Variants in ADARB2 observed in about 807,000 individuals in gnomAD.
ADARB2 encodes inactive double-stranded RNA-specific editase B2.
Under a neutral mutation model 62.2 loss-of-function variants are expected in ADARB2, and 25 were observed. The ratio of observed to expected loss-of-function variants is 0.40; its 90% CI spans 0.29 to 0.56. The LOEUF is 0.56. Ranked by LOEUF, ADARB2 falls within the 20% of genes least tolerant of loss-of-function variation. The pLI is 0.43. For missense variants in ADARB2, 1,071 were observed against 1,077.4 expected (o/e 0.99, Z 0.08); for synonymous variants, 572 against 500.8 (o/e 1.14, Z -1.90).
At position 1,373,475 on chromosome 10, in the gene ADARB2, G is replaced by C. The variant is rs58703389; in HGVS notation, c.187+5599C>G. Among the ~76,000 whole-genome samples, 822 of 152,332 alleles carry C rather than the reference G, an allele frequency of 5.4e-3. 3 individuals carry two copies. The highest frequency in any genetic ancestry group is 0.018 in the African/African-American group (743 of 41,578). On this transcript the variant is annotated intron_variant, in intron 2 of 9. Transcript: ENST00000381312. ...TGTAACATAACCAGTGCGTGTACGA[G>C]TGTGTGCCCGAGCATGTGCCTGTGT...
intron 1 of ADARB2, among the ~76,000 whole-genome samples, chr10:1,682,976 C>T (rs1211064018): frequency 6.6e-6 from 1 of 152,144 alleles, no homozygotes; most frequent in Admixed American, 6.5e-5. Context: ...CACAGCACCG[C>T]GGAGGTGGGC....
At chr10:1,220,054 G>T (rs111164674) in intron 6 of ADARB2, among the ~76,000 whole-genome samples, 1 of 138,216 alleles carries the variant, frequency 7.2e-6, no homozygotes, top group Non-Finnish European at 1.6e-5. Context: ...GGTGATGGTG[G>T]TGGTGGTGAT....
intron 3 of ADARB2, among the ~76,000 whole-genome samples, chr10:1,322,592 A>G (rs1173555520): frequency 1.3e-5 from 2 of 152,202 alleles, no homozygotes; most frequent in Non-Finnish European, 2.9e-5. Context: ...AGGGAATTTA[A>G]GCCATTTGGT....
At chr10:1,705,297 G>A (rs1437072365) in intron 1 of ADARB2, among the ~76,000 whole-genome samples, 3 of 152,178 alleles carry the variant, frequency 2.0e-5, no homozygotes, top group Non-Finnish European at 4.4e-5. Flanking sequence ...CCCACTCTAT[G>A]CCGGTTTTGT....
In ADARB2 at chr10:1,712,818, T is replaced by C. The variant is rs372693183; in HGVS notation, c.100+24233A>G. On this transcript the variant is annotated intron_variant, in intron 1 of 9. Transcript: ENST00000381312. Reference sequence around the variant, plus strand: ...TAGAGACAGGGTTTCACCGTGTTAGTCAGGATGGTCTTAATCTCCTGACCT... The same window carrying C: ...TAGAGACAGGGTTTCACCGTGTTAGCCAGGATGGTCTTAATCTCCTGACCT... 8.5e-3 allele frequency among the ~76,000 whole-genome samples: 1,290 copies of C among 151,946 alleles called. 20 individuals carry two copies. Among genetic ancestry groups the C allele is most frequent in the African/African-American group, 0.029 (1,216 of 41,426 alleles).
intron 1 of ADARB2, among the ~76,000 whole-genome samples, chr10:1,522,428 C>A (rs1161583558): frequency 1.3e-5 from 2 of 152,180 alleles, no homozygotes; most frequent in Non-Finnish European, 2.9e-5. Context: ...GGCAGTAAAA[C>A]AAAGGGTGGC....
At chr10:1,420,137 TA>T (rs1458379465) in intron 1 of ADARB2, among the ~76,000 whole-genome samples, 13 of 152,212 alleles carry the variant, frequency 8.5e-5, no homozygotes, top group African/African-American at 2.9e-4. Flanking sequence ...ATGTGAATAA[TA>T]ATACATATTT....
At chr10:1,258,466 A>G (rs2131788199) in intron 4 of ADARB2, among the ~76,000 whole-genome samples, 1 of 152,122 alleles carries the variant, frequency 6.6e-6, no homozygotes, top group African/African-American at 2.4e-5. Flanking sequence ...AAGATCTACC[A>G]AGCAAATGGC....
At chr10:1,347,605 G>GGAGGCCT (rs1366869244) in intron 3 of ADARB2, among the ~76,000 whole-genome samples, 3 of 152,172 alleles carry the variant, frequency 2.0e-5, no homozygotes, top group Non-Finnish European at 1.5e-5. Flanking sequence ...TCAGGAGCCA[G>GGAGGCCT]GAGGCCTCAG....
At chr10:1,589,756 C>T (rs1034085483) in intron 1 of ADARB2, among the ~76,000 whole-genome samples, 22 of 152,334 alleles carry the variant, frequency 1.4e-4, no homozygotes, top group African/African-American at 5.1e-4. Context: ...TCACCACAAC[C>T]TCCGCTTCCT....
intron 4 of ADARB2, among the ~76,000 whole-genome samples, chr10:1,258,419 AG>A (rs531380321): frequency 6.0e-4 from 92 of 152,326 alleles, no homozygotes; most frequent in African/African-American, 2.1e-3. Context: ...AACCCATCTC[AG>A]CTGCAGAGAC....
intron 3 of ADARB2, among the ~76,000 whole-genome samples, chr10:1,323,815 G>T (rs1229334928): frequency 1.3e-5 from 2 of 152,092 alleles, no homozygotes; most frequent in South Asian, 4.1e-4. Flanking sequence ...AAAAATAAAG[G>T]AGAAAATCTT....
chr10:1,348,121 T>C (rs1832098082), intron 3 of ADARB2, among the ~76,000 whole-genome samples: 1 of 152,040 alleles, frequency 6.6e-6, no homozygotes, highest in African/African-American at 2.4e-5. Flanking sequence ...ATCTCGGTCC[T>C]GTGGTGCAGT....
Position 1,363,361 on chromosome 10 carries a change from G to T in ADARB2, c.744C>A (p.Ser248=). 1.5e-6 allele frequency: 2 copies of T among 1,302,292 alleles called. No individual in the cohort carries two copies. Among genetic ancestry groups the T allele is most frequent in the Non-Finnish European group, 1.9e-6 (2 of 1,025,772 alleles). The allele number at this position is 1,302,292 out of a possible 1,614,324, so 80.7% of individuals were successfully genotyped here. The change falls in exon 3 of 10, where the codon TCC becomes TCA. Residue 248 remains serine, a synonymous_variant. Coordinates refer to ENST00000381312, the MANE Select transcript of ADARB2 (RefSeq NM_018702.4). ...GGRPGDAALL[S]AAYGRRRLLC... Reference sequence around the variant, plus strand: ...GCAGCCGCCGTCGCCCGTAGGCCGCGGACAGAAGCGCGGCGTCCCCGGGGC... The same window carrying T: ...GCAGCCGCCGTCGCCCGTAGGCCGCTGACAGAAGCGCGGCGTCCCCGGGGC...
chr10:1,698,463 C>G (rs1289831449), intron 1 of ADARB2, among the ~76,000 whole-genome samples: 3 of 152,242 alleles, frequency 2.0e-5, no homozygotes, highest in African/African-American at 4.8e-5. Flanking sequence ...GCCTTCCAGA[C>G]AGCTGAAGAT....
intron 1 of ADARB2, among the ~76,000 whole-genome samples, chr10:1,447,640 G>T (rs1196348765): frequency 6.6e-6 from 1 of 152,152 alleles, no homozygotes; most frequent in Non-Finnish European, 1.5e-5. Context: ...AGGTAAACTT[G>T]TGTCACGGGG....
At chr10:1,297,089 T>A (rs948925302) in intron 3 of ADARB2, among the ~76,000 whole-genome samples, 18 of 152,214 alleles carry the variant, frequency 1.2e-4, no homozygotes, top group African/African-American at 4.3e-4. Context: ...CAAATTTAGG[T>A]CTACCCAGAA....
intron 1 of ADARB2, among the ~76,000 whole-genome samples, chr10:1,535,309 G>A (rs1478154101): frequency 6.6e-6 from 1 of 152,116 alleles, no homozygotes; most frequent in Non-Finnish European, 1.5e-5. Flanking sequence ...ATCTTCAGAC[G>A]AGAGTCAGTC....
chr10:1,208,018 T>C (rs578141779), intron 7 of ADARB2, among the ~76,000 whole-genome samples: 1 of 152,334 alleles, frequency 6.6e-6, no homozygotes, highest in East Asian at 1.9e-4. Flanking sequence ...TCCGACCCTC[T>C]TCCCATGCAG....
Sources: allele counts gnomAD v4.1 joint callset (sites outside exome capture counted in the v4.1 genomes callset), GRCh38; gene constraint gnomAD v4.1.1; transcripts MANE v1.5; gene names NCBI Gene and HGNC (gene_info 2026-07-23, HGNC 2026-07-21).